PDE6A: variants seen among roughly 807,000 people sequenced by gnomAD.
PDE6A encodes the protein phosphodiesterase 6A, also known as rod cGMP-specific 3',5'-cyclic phosphodiesterase subunit alpha.
PDE6A carries 84 observed loss-of-function variants against 106.3 expected under a neutral mutation model. The ratio of observed to expected loss-of-function variants is 0.79; its 90% confidence interval spans 0.66 to 0.95. The LOEUF (loss-of-function observed/expected upper bound fraction) is 0.95, where lower values mean the gene tolerates loss of function less well. Among genes scored for constraint, PDE6A ranks in the 40% least tolerant of loss-of-function variants. The probability of loss-of-function intolerance (pLI) is 0.00; values close to 1 mark genes in which losing one functional copy is unlikely to be tolerated. For synonymous variants in PDE6A, 394 were observed against 386.6 expected, an observed-to-expected ratio of 1.02 and a Z score of -0.23; for missense variants, 1,052 against 1,084.9, an observed-to-expected ratio of 0.97 and a Z score of 0.43.
chr5:149,944,590 G>A lies in PDE6A; in HGVS notation c.84C>T (p.Tyr28=), dbSNP rs34230349. 2.9e-3 allele frequency: 4,742 copies of A among 1,614,034 alleles called. 92 individuals carry two copies. In the African/African-American group the frequency reaches 0.046, roughly 16 times the overall value. The part of the protein sequence containing the change: ...GFAKQYYNLH[Y]RAKLISDLLG... ...GGAGGTCGGAGATGAGCTTGGCCCG[G>A]TAGTGGAGGTTGTAGTACTGTTTGG... The change falls in exon 1 of 22, where the codon TAC becomes TAT. Residue 28 remains tyrosine (Y), a synonymous_variant. Coordinates refer to ENST00000255266, the MANE Select transcript of PDE6A (RefSeq NM_000440.3).
intron 17 of PDE6A, among the ~76,000 whole-genome samples, chr5:149,880,727 A>G (rs1453792932): frequency 6.6e-6 from 1 of 151,958 alleles, no homozygotes; most frequent in Non-Finnish European, 1.5e-5. Context: ...GCACAAGCAA[A>G]AGTCAATAAA....
At position 149,896,631 on chromosome 5, in the gene PDE6A, G is replaced by T. The variant is rs912350110; in HGVS notation, c.1473+80C>A. 3.7e-6 allele frequency: 6 copies of T among 1,613,578 alleles called. No individual in the cohort carries two copies. In the African/African-American group the frequency reaches 8.0e-5, roughly 22 times the overall value. The stretch of plus-strand genomic sequence containing the variant: ...AACAGAGTGATGGGGAACATGCTTT[G>T]CAAGGAGAAACCCCTGCATGCTCAG... On this transcript the variant is annotated intron_variant, in intron 11 of 21. Coordinates refer to ENST00000255266, the MANE Select transcript of PDE6A (RefSeq NM_000440.3).
intron 13 of PDE6A, among the ~76,000 whole-genome samples, chr5:149,889,963 T>G (rs1752481957): frequency 6.7e-6 from 1 of 149,964 alleles, no homozygotes; most frequent in African/African-American, 2.5e-5. Context: ...ATTCATTTTT[T>G]TTTTTTTTTT....
chr5:149,889,436 A>G (rs1341675356), intron 13 of PDE6A, among the ~76,000 whole-genome samples: 1 of 151,732 alleles, frequency 6.6e-6, no homozygotes, highest in African/African-American at 2.4e-5. Context: ...TTTATTTATT[A>G]TTTATCTTAT....
At chr5:149,884,029 C>A (rs143590600) in intron 16 of PDE6A, among the ~76,000 whole-genome samples, 1 of 151,676 alleles carries the variant, frequency 6.6e-6, no homozygotes, top group East Asian at 1.9e-4. Context: ...CCCATCTTTA[C>A]AGCAAATTAA....
At chr5:149,882,623 C>A (rs35570504) in intron 17 of PDE6A, among the ~76,000 whole-genome samples, 24,376 of 152,054 alleles carry the variant, frequency 0.16, 2,379 homozygotes, top group Middle Eastern at 0.34. Context: ...ACCAACCATG[C>A]CAGACCATGC....
At chr5:149,939,570 G>C (rs1754273409) in intron 1 of PDE6A, among the ~76,000 whole-genome samples, 1 of 152,160 alleles carries the variant, frequency 6.6e-6, no homozygotes, top group Non-Finnish European at 1.5e-5. Flanking sequence ...TAAGGAACGG[G>C]AGCTGCCAAT....
At chr5:149,884,968 T>C (rs1752227939) in intron 14 of PDE6A, 101 bp from the exon 15 acceptor site, 4 of 950,664 alleles carry the variant, frequency 4.2e-6, no homozygotes, top group African/African-American at 3.2e-5. Context: ...CCACAAGTGA[T>C]TCCGAGTTAC....
intron 13 of PDE6A, among the ~76,000 whole-genome samples, chr5:149,889,121 G>A (rs919496511): frequency 2.2e-5 from 3 of 137,534 alleles, no homozygotes; most frequent in African/African-American, 8.5e-5. Flanking sequence ...ATTGTTTGAA[G>A]TTTTTCTAAA....
intron 17 of PDE6A, among the ~76,000 whole-genome samples, chr5:149,875,487 A>AT (rs201444448): frequency 0.017 from 2,275 of 137,832 alleles, 32 homozygotes; most frequent in African/African-American, 0.029. Context: ...CATACTGACT[A>AT]TTTTTTTTTT....
chr5:149,865,435 A>T (rs536749668), intron 20 of PDE6A, among the ~76,000 whole-genome samples: 1 of 151,312 alleles, frequency 6.6e-6, no homozygotes, highest in East Asian at 1.9e-4. Flanking sequence ...CCAGCAAAAA[A>T]CTCATGTCCT....
At chr5:149,900,942 G>C (rs1752953931) in intron 8 of PDE6A, among the ~76,000 whole-genome samples, 1 of 152,096 alleles carries the variant, frequency 6.6e-6, no homozygotes, top group South Asian at 2.1e-4. Context: ...TTGAGACGGA[G>C]TTTTGCTCTG....
chr5:149,932,663 G>T, intron 3 of PDE6A: 1 of 1,612,740 alleles, frequency 6.2e-7, no homozygotes, highest in Non-Finnish European at 8.5e-7. Flanking sequence ...ACTAATTTCT[G>T]CCATCTCAGC....
Position 149,858,816 on chromosome 5 carries a change from C to CTTTTTTTTTTTTTTTTTTTT in PDE6A, c.*2078_*2079insAAAAAAAAAAAAAAAAAAAA, listed in dbSNP as rs764134058. 1.3e-5 allele frequency: 1 copy of CTTTTTTTTTTTTTTTTTTTT among 79,116 alleles called. No homozygotes were observed. The highest frequency in any genetic ancestry group is 5.2e-5 in the African/African-American group (1 of 19,368). The allele number at this position is 79,116 out of a possible 1,614,324, so 4.9% of individuals were successfully genotyped here. On this transcript the variant is annotated 3_prime_UTR_variant, in exon 22 of 22. Transcript: ENST00000255266. ...AAGAGAGAAATTCTATCTGCCACATCTTTTTTTTTTCTTTTTTTTTTTTTT... is the reference window on the plus strand; with the variant it reads ...AAGAGAGAAATTCTATCTGCCACATCTTTTTTTTTTTTTTTTTTTTTTTTTTTTTTCTTTTTTTTTTTTTT...
intron 2 of PDE6A, 59 bp downstream of exon 2, chr5:149,934,507 C>G: frequency 6.3e-7 from 1 of 1,575,642 alleles, no homozygotes; most frequent in Non-Finnish European, 8.7e-7. Context: ...GTTCAGGGGA[C>G]TTCATAGGCT....
chr5:149,870,424 C>CA (rs959259791), intron 17 of PDE6A, among the ~76,000 whole-genome samples: 1 of 152,134 alleles, frequency 6.6e-6, no homozygotes, highest in African/African-American at 2.4e-5. Flanking sequence ...ATAGGTTGAG[C>CA]AAATAAATGC....
At chr5:149,896,667 C>T (rs1241087191) in intron 11 of PDE6A, 44 bp downstream of exon 11, 14 of 1,613,912 alleles carry the variant, frequency 8.7e-6, no homozygotes, top group African/African-American at 1.3e-5. Context: ...GAGCACTTTG[C>T]ACTTGTTATA....
At chr5:149,917,298 T>A (rs1215023790) in intron 5 of PDE6A, among the ~76,000 whole-genome samples, 4 of 152,128 alleles carry the variant, frequency 2.6e-5, no homozygotes, top group African/African-American at 7.2e-5. Flanking sequence ...GAAATTTTTT[T>A]AAAAAGAAAA....
chr5:149,896,441 G>A lies in PDE6A; in HGVS notation c.1535C>T (p.Pro512Leu), dbSNP rs767935782. 54 of 1,613,710 alleles carry A rather than the reference G, an allele frequency of 3.3e-5. 1 individual carries two copies. In the East Asian group the frequency reaches 1.2e-3, roughly 35 times the overall value. ...EINKFHFSDLPLTELELVKCG... is the reference protein window; with the variant it reads ...EINKFHFSDLLLTELELVKCG... ...TTTTACCAGCTCCAGTTCTGTTAGG[G>A]GTAAGTCACTGAAGTGAAATTTATT... The change falls in exon 12 of 22, where the codon CCC becomes CTC. Residue 512 changes from proline (P) to leucine (L), a missense_variant. By Grantham distance (98) the Pro-to-Leu change is moderately conservative (BLOSUM62 -3). Around this residue, in one of 3 missense-constraint regions of PDE6A, gnomAD observed 913 missense variants for 915.2 expected, o/e 1.00. Coordinates refer to ENST00000255266, the MANE Select transcript of PDE6A (RefSeq NM_000440.3).
Sources: allele counts gnomAD v4.1 joint callset (sites outside exome capture counted in the v4.1 genomes callset), GRCh38; gene constraint gnomAD v4.1.1; regional missense constraint gnomAD v4.1.1; transcripts MANE v1.5; gene names NCBI Gene and HGNC (gene_info 2026-07-23, HGNC 2026-07-21).